CSMD1: variants seen among roughly 807,000 people sequenced by gnomAD.
CSMD1 encodes CUB and sushi domain-containing protein 1.
In CSMD1, 213 loss-of-function variants were observed where a neutral mutation model predicts 417.5. The ratio of observed to expected loss-of-function variants is 0.51; its 90% CI spans 0.46 to 0.57. CSMD1 has a LOEUF of 0.57. CSMD1 is among the 20% of genes least tolerant of loss of function. The pLI, the probability that CSMD1 is intolerant of heterozygous loss-of-function variation, is 0.00. For missense variants in CSMD1, 6,923 were observed against 4,529.7 expected, an observed-to-expected ratio of 1.53 and a Z score of -15.17; for synonymous variants, 2,862 against 1,736.8, an observed-to-expected ratio of 1.65 and a Z score of -16.11.
chr8:3,439,453 C>G (rs1029274420), intron 12 of CSMD1, among the ~76,000 whole-genome samples: 1 of 149,528 alleles, frequency 6.7e-6, no homozygotes, highest in Admixed American at 6.8e-5. Flanking sequence ...GGTGAAAGGT[C>G]TTCTGAACAT....
intron 2 of CSMD1, among the ~76,000 whole-genome samples, chr8:4,525,173 C>A (rs1412945353): frequency 6.6e-6 from 1 of 152,170 alleles, no homozygotes. Flanking sequence ...CAGGCTCCCA[C>A]CTTCCCTCTA....
chr8:4,967,339 C>G (rs1037846748), intron 1 of CSMD1, among the ~76,000 whole-genome samples: 2 of 152,034 alleles, frequency 1.3e-5, no homozygotes, highest in South Asian at 4.1e-4. Context: ...TTTAAGATAT[C>G]CAAGTCTTCT....
At chr8:3,791,833 AATAAT>A (rs1468622175) in intron 5 of CSMD1, among the ~76,000 whole-genome samples, 1 of 127,856 alleles carries the variant, frequency 7.8e-6, no homozygotes, top group African/African-American at 3.6e-5. Flanking sequence ...AAATAATAAT[AATAAT>A]AAAAAAATAA....
intron 2 of CSMD1, among the ~76,000 whole-genome samples, chr8:4,574,335 C>T (rs906174370): frequency 1.3e-5 from 2 of 152,184 alleles, no homozygotes; most frequent in South Asian, 4.1e-4. Context: ...AGCACCATCC[C>T]TCAACGGCGT....
chr8:3,111,227 A>G (rs1368205327), intron 42 of CSMD1, among the ~76,000 whole-genome samples: 1 of 152,210 alleles, frequency 6.6e-6, no homozygotes, highest in Non-Finnish European at 1.5e-5. Context: ...AACAAAAAGA[A>G]AAGTTTAGTA....
chr8:4,930,147 G>A (rs1052429724), intron 1 of CSMD1, among the ~76,000 whole-genome samples: 2 of 152,118 alleles, frequency 1.3e-5, no homozygotes, highest in African/African-American at 4.8e-5. Context: ...ATTGGTTTAG[G>A]TTCTAGATTC....
intron 5 of CSMD1, among the ~76,000 whole-genome samples, chr8:3,829,423 G>C (rs1802243197): frequency 6.6e-6 from 1 of 152,124 alleles, no homozygotes; most frequent in Non-Finnish European, 1.5e-5. Flanking sequence ...AATGAGATAA[G>C]TCAATACCGG....
chr8:3,538,174 G>A (rs148570692), intron 10 of CSMD1, among the ~76,000 whole-genome samples: 223 of 152,082 alleles, frequency 1.5e-3, no homozygotes, highest in African/African-American at 5.0e-3. Flanking sequence ...ATTACATGAC[G>A]GATCAACTAC....
At chr8:3,718,244 T>A (rs1563305999) in intron 6 of CSMD1, among the ~76,000 whole-genome samples, 1 of 152,226 alleles carries the variant, frequency 6.6e-6, no homozygotes, top group Non-Finnish European at 1.5e-5. Flanking sequence ...TTCACAAGGT[T>A]ATTTTGACTG....
At chr8:3,936,078 C>T (rs2554653) in intron 5 of CSMD1, among the ~76,000 whole-genome samples, 109,557 of 151,912 alleles carry the variant, frequency 0.72, 39,618 homozygotes, top group African/African-American at 0.73. Flanking sequence ...CCAAAGCAGC[C>T]GCAAAATTTT....
At chr8:3,507,477 G>C (rs941619487) in intron 10 of CSMD1, among the ~76,000 whole-genome samples, 3 of 152,180 alleles carry the variant, frequency 2.0e-5, no homozygotes, top group Admixed American at 6.5e-5. Context: ...GTGTGCATGT[G>C]TCTTTATAGC....
chr8:3,556,857 C>G (rs761567747), intron 10 of CSMD1, among the ~76,000 whole-genome samples: 1 of 151,982 alleles, frequency 6.6e-6, no homozygotes, highest in Non-Finnish European at 1.5e-5. Flanking sequence ...CCCCTCTGGA[C>G]AGATCTCAGC....
intron 10 of CSMD1, among the ~76,000 whole-genome samples, chr8:3,516,256 C>G (rs577598016): frequency 6.6e-6 from 1 of 152,220 alleles, no homozygotes; most frequent in African/African-American, 2.4e-5. Flanking sequence ...GACTCACCAG[C>G]TGTGCATAGG....
intron 3 of CSMD1, among the ~76,000 whole-genome samples, chr8:4,303,181 G>T (rs1374656847): frequency 6.6e-6 from 1 of 152,054 alleles, no homozygotes; most frequent in East Asian, 1.9e-4. Context: ...CATGAATATT[G>T]TGGGCTTGCA....
chr8:4,224,212 A>T (rs952010532), intron 3 of CSMD1, among the ~76,000 whole-genome samples: 1 of 113,944 alleles, frequency 8.8e-6, no homozygotes, highest in African/African-American at 3.5e-5. Context: ...TTGTGATCCA[A>T]GTCCTAAAAA....
intron 2 of CSMD1, among the ~76,000 whole-genome samples, chr8:4,575,271 T>C (rs1585272547): frequency 6.6e-6 from 1 of 152,230 alleles, no homozygotes; most frequent in African/African-American, 2.4e-5. Context: ...TCATTCTCAT[T>C]ATTTTCATAT....
At chr8:4,977,139 A>G (rs1404892592) in intron 1 of CSMD1, among the ~76,000 whole-genome samples, 1 of 152,214 alleles carries the variant, frequency 6.6e-6, no homozygotes, top group Admixed American at 6.5e-5. Context: ...AAATGTTCCT[A>G]TAGTAATGAT....
chr8:3,093,319 G>A (rs867966538), intron 47 of CSMD1, among the ~76,000 whole-genome samples: 2 of 152,194 alleles, frequency 1.3e-5, no homozygotes, highest in South Asian at 2.1e-4. Flanking sequence ...GGAGAGTCCC[G>A]CCCTTCTGAC....
At chr8:4,233,453 G>A (rs577980838) in intron 3 of CSMD1, among the ~76,000 whole-genome samples, 1 of 152,288 alleles carries the variant, frequency 6.6e-6, no homozygotes, top group African/African-American at 2.4e-5. Flanking sequence ...TTTGGAGATG[G>A]GACCTTTGGA....
Sources: allele counts gnomAD v4.1 joint callset (sites outside exome capture counted in the v4.1 genomes callset), GRCh38; gene constraint gnomAD v4.1.1; transcripts MANE v1.5; gene names NCBI Gene and HGNC (gene_info 2026-07-23, HGNC 2026-07-21).